ADAM8: variants seen among roughly 807,000 people sequenced by gnomAD.
ADAM8 encodes the protein disintegrin and metalloproteinase domain-containing protein 8.
A neutral mutation model predicts 102.4 loss-of-function variants in ADAM8; 104 were observed. The observed-to-expected ratio is 1.02, with a 90% CI of 0.87 to 1.20. The LOEUF is 1.20. Among genes scored for constraint, ADAM8 ranks in the 50% most tolerant of loss-of-function variants. The pLI is 0.00. For missense variants in ADAM8, 1,132 were observed against 1,159.0 expected (o/e 0.98, Z 0.34); for synonymous variants, 517 against 485.2 (o/e 1.07, Z -0.86).
Position 133,273,788 on chromosome 10 carries a change from G to T in ADAM8, c.357C>A (p.Ala119=). 6.5e-7 allele frequency: 1 copy of T among 1,548,978 alleles called. No individual in the cohort carries two copies. The highest frequency in any genetic ancestry group is 8.7e-7 in the Non-Finnish European group (1 of 1,146,834). Residue 119 remains alanine (A), a synonymous_variant, in exon 5 of 23, where the codon GCC becomes GCA. Coordinates refer to ENST00000445355, the MANE Select transcript of ADAM8 (RefSeq NM_001109.5). The stretch of plus-strand genomic sequence containing the variant: ...TGAGGCCGGCACAGGTGCTGAGGCT[G>T]GCGGCTGAGTCCGGGTACCCCTCTA... The part of the protein sequence containing the change: ...GHVEGYPDSA[A]SLSTCAGLRG...
rs375720962 is a variant in ADAM8 at position 133,270,403 on chromosome 10, G to A, written c.1742C>T (p.Ala581Val). 33 of 1,598,452 alleles carry A rather than the reference G, an allele frequency of 2.1e-5. No homozygotes were observed. Among genetic ancestry groups the A allele is most frequent in the South Asian group, 1.7e-4 (15 of 90,682 alleles). Residue 581 changes from alanine to valine, a missense_variant, in exon 16 of 23, where the codon GCG becomes GTG. Physicochemically the swap from Ala to Val is moderately conservative, Grantham distance 64 (BLOSUM62 0). Coordinates refer to ENST00000445355, the MANE Select transcript of ADAM8 (RefSeq NM_001109.5). ...GGTGCCCTCGGGCACTGGTTCATAC[G>A]CAGTGCCATCCTCTGTGGTGAGCGC... ...CHALTTEDGT[A>V]YEPVPEGTRC...
chr10:133,268,248 C>G (rs1389430908), intron 19 of ADAM8, 130 bp from the exon 20 acceptor site: 3 of 869,202 alleles, frequency 3.5e-6, no homozygotes, highest in Non-Finnish European at 4.7e-6. Context: ...CCATGAGAGA[C>G]AGACAGGCCC....
Position 133,273,436 on chromosome 10 carries a change from A to G in ADAM8, c.391T>C (p.Phe131Leu). Residue 131 changes from phenylalanine to leucine, a missense_variant, in exon 6 of 23, where the codon TTC becomes CTC. Physicochemically the swap from Phe to Leu is conservative, Grantham distance 22 (BLOSUM62 0). Transcript: ENST00000445355. ...AGGTGCAGGTCTGACCCCACCTGGA[A>G]GAAACCCCTGAGGGGAGTGGGAGCC... is the stretch of plus-strand genomic sequence containing the variant. Reference protein sequence around the residue: ...LSTCAGLRGFFQVGSDLHLIE... With the variant: ...LSTCAGLRGFLQVGSDLHLIE... 1 of 1,540,038 alleles carries G rather than the reference A, an allele frequency of 6.5e-7. No individual in the cohort carries two copies. Among genetic ancestry groups the G allele is most frequent in the Non-Finnish European group, 8.8e-7 (1 of 1,139,834 alleles).
chr10:133,274,347 C>T lies in ADAM8; in HGVS notation c.151-112G>A, dbSNP rs147289094. On this transcript the variant is annotated intron_variant, in intron 2 of 22. Transcript: ENST00000445355. The stretch of plus-strand genomic sequence containing the variant: ...GGGGAAGGGGTGCCGGCCTCCAGCC[C>T]CAGGTCAAGGCTCCATCCTGGAGGG... 1,578 of 991,230 alleles carry T rather than the reference C, an allele frequency of 1.6e-3. 17 individuals are homozygous for T. In the African/African-American group the frequency reaches 0.023, roughly 14 times the overall value. The allele number at this position is 991,230 out of a possible 1,614,324, so 61.4% of individuals were successfully genotyped here. A position where few individuals can be genotyped will look rare whatever the true frequency, so the allele number is the denominator to read the frequency against.
chr10:133,274,495 G>A (rs1479959689), intron 2 of ADAM8, among the ~76,000 whole-genome samples: 3 of 119,236 alleles, frequency 2.5e-5, no homozygotes, highest in Non-Finnish European at 5.4e-5. Flanking sequence ...AGGGCAGAGG[G>A]TGGGGGGCGG....
chr10:133,267,967 G>A lies in ADAM8; in HGVS notation c.2215C>T (p.Pro739Ser), dbSNP rs1846379215. The A allele has an allele frequency of 7.9e-7, 1 of 1,261,996 alleles. No individual in the cohort carries two copies. Among genetic ancestry groups the A allele is most frequent in the Non-Finnish European group, 1.0e-6 (1 of 997,022 alleles). 78.2% of individuals were successfully genotyped at this position (1,261,996 alleles called of 1,614,324 possible). A position where few individuals can be genotyped will look rare whatever the true frequency, so the allele number is the denominator to read the frequency against. ...TTHPGQPARH[P>S]ASSVALKRPP... Reference sequence around the variant, plus strand: ...CTCTTCAGAGCCACCGAGGAGGCCGGGTGTCGGGCGGGCTGGCCCGGGTGG... The same window carrying A: ...CTCTTCAGAGCCACCGAGGAGGCCGAGTGTCGGGCGGGCTGGCCCGGGTGG... Residue 739 changes from proline (P) to serine (S), a missense_variant, in exon 20 of 23, where the codon CCG becomes TCG. By Grantham distance (74) the Pro-to-Ser change is moderately conservative. Transcript: ENST00000445355.
intron 20 of ADAM8, 54 bp from the exon 21 acceptor site, chr10:133,267,471 C>A: frequency 6.7e-7 from 1 of 1,495,256 alleles, no homozygotes; most frequent in Non-Finnish European, 9.1e-7. Context: ...CCGTGCCCCT[C>A]CAGCACCCCC....
At chr10:133,273,088 C>A in intron 6 of ADAM8, 69 bp from the exon 7 acceptor site, 1 of 1,607,612 alleles carries the variant, frequency 6.2e-7, no homozygotes, top group South Asian at 1.1e-5. Context: ...CTCAGGGACC[C>A]GGGGCCACTG....
chr10:133,272,651 G>A, intron 8 of ADAM8, 66 bp from the exon 9 acceptor site: 1 of 1,552,960 alleles, frequency 6.4e-7, no homozygotes, highest in South Asian at 1.2e-5. Flanking sequence ...GAGGGTGGGT[G>A]GCGGAGGATG....
rs58437040 is a variant in ADAM8 at position 133,265,027 on chromosome 10, G to A, written c.2320-1262C>T. On this transcript the variant is annotated intron_variant, in intron 21 of 22. Transcript: ENST00000445355. Reference sequence around the variant, plus strand: ...CTCTGCCCCATCTACCTCCACGCCCGGCTCCTGCTGCAGCCTCTGCCCCAT... The same window carrying A: ...CTCTGCCCCATCTACCTCCACGCCCAGCTCCTGCTGCAGCCTCTGCCCCAT... Among the ~76,000 whole-genome samples the A allele has an allele frequency of 2.6e-3, 292 of 112,980 alleles. 2 individuals are homozygous for A. The highest frequency in any genetic ancestry group is 9.2e-3 in the African/African-American group (255 of 27,584). The allele number at this position is 112,980 out of a possible 152,430, so 74.1% of individuals were successfully genotyped here. A position where few individuals can be genotyped will look rare whatever the true frequency, so the allele number is the denominator to read the frequency against.
chr10:133,272,908 C>G, intron 7 of ADAM8, 42 bp from the exon 8 acceptor site: 2 of 1,611,412 alleles, frequency 1.2e-6, no homozygotes, highest in Non-Finnish European at 8.5e-7. Flanking sequence ...ACACACCCCC[C>G]ATGCCCCCGC....
Position 133,272,621 on chromosome 10 carries a change from G to A in ADAM8, c.706-36C>T, listed in dbSNP as rs541116332. The A allele has an allele frequency of 2.7e-5, 42 of 1,583,228 alleles. No homozygotes were observed. In the East Asian group the frequency reaches 5.6e-4, roughly 21 times the overall value. ...GGTGGAGTCCTGGGGGTCAGGCAGG[G>A]TGGCGGAAGGTACAGCAGGGAGGGT... On this transcript the variant is annotated intron_variant, in intron 8 of 22. Transcript: ENST00000445355.
At chr10:133,271,131 G>C (rs60038048) in intron 13 of ADAM8, 61 bp from the exon 14 acceptor site, 1 of 1,592,478 alleles carries the variant, frequency 6.3e-7, no homozygotes, top group African/African-American at 1.3e-5. Flanking sequence ...CTGGTCCCTG[G>C]TGCCCCAGGG....
intron 6 of ADAM8, 55 bp from the exon 7 acceptor site, chr10:133,273,074 C>T: frequency 5.0e-6 from 8 of 1,609,602 alleles, no homozygotes; most frequent in Non-Finnish European, 6.8e-6. Flanking sequence ...GGCCTGGACC[C>T]TCCCTCAGGG....
At chr10:133,268,168 A>C (rs1337102947) in intron 19 of ADAM8, 50 bp from the exon 20 acceptor site, 7 of 1,241,492 alleles carry the variant, frequency 5.6e-6, no homozygotes, top group South Asian at 4.0e-5. Flanking sequence ...ATGGGGCCCC[A>C]GCACCACACC....
At chr10:133,267,267 C>A (rs929211908) in intron 21 of ADAM8, 85 bp downstream of exon 21, 1 of 1,440,268 alleles carries the variant, frequency 6.9e-7, no homozygotes, top group South Asian at 1.2e-5. Flanking sequence ...GATCCCTGGC[C>A]CCCGGTGCAG....
At chr10:133,276,392 G>C (rs907758223) in intron 1 of ADAM8, among the ~76,000 whole-genome samples, 6 of 152,202 alleles carry the variant, frequency 3.9e-5, no homozygotes, top group Non-Finnish European at 7.4e-5. Flanking sequence ...GCCTCAGCTT[G>C]TCTGCCCTCC....
rs749482164 is a variant in ADAM8, at chr10:133,270,926, C to T, written c.1519G>A (p.Ala507Thr). The change falls in exon 14 of 23, where the codon GCC becomes ACC. Residue 507 changes from alanine (A) to threonine (T), a missense_variant. Ala to Thr is a moderately conservative substitution (Grantham distance 58). Coordinates refer to ENST00000445355, the MANE Select transcript of ADAM8 (RefSeq NM_001109.5). Reference protein sequence around the residue: ...PCSGGYCYNGACPTLAQQCQA... With the variant: ...PCSGGYCYNGTCPTLAQQCQA... ...CACTGCTGGGCCAGTGTGGGACAGG[C>T]CCCGTTGTAGCAGTAGCCCCCGGAG... 8.7e-6 allele frequency: 14 copies of T among 1,612,564 alleles called. No homozygotes were observed. In the African/African-American group the frequency reaches 1.6e-4, roughly 18 times the overall value.
In ADAM8 at chr10:133,273,801, G is replaced by A. The variant is rs3810960; in HGVS notation, c.344C>T (p.Pro115Leu). 3,350 of 1,549,014 alleles carry A rather than the reference G, an allele frequency of 2.2e-3. 8 individuals carry two copies. The highest frequency in any genetic ancestry group is 5.2e-3 in the East Asian group (214 of 40,894). ...CFYQGHVEGY[P>L]DSAASLSTCA... ...GGTGCTGAGGCTGGCGGCTGAGTCC[G>A]GGTACCCCTCTACGTGGCCCTGGTA... Residue 115 changes from proline (P) to leucine (L), a missense_variant, in exon 5 of 23, where the codon CCG (proline) becomes CTG (leucine). By Grantham distance (98) the Pro-to-Leu change is moderately conservative (BLOSUM62 -3). Coordinates refer to ENST00000445355, the MANE Select transcript of ADAM8 (RefSeq NM_001109.5).
Sources: gnomAD v4.1 joint callset for allele counts (sites outside exome capture counted in the v4.1 genomes callset) on GRCh38, gnomAD v4.1.1 for gene constraint, MANE v1.5 for transcripts, NCBI Gene and HGNC (gene_info 2026-07-23, HGNC 2026-07-21) for gene names.